MYO5A: variants seen among roughly 807,000 people sequenced by gnomAD.
MYO5A encodes unconventional myosin-Va.
A neutral mutation model predicts 249.7 loss-of-function variants in MYO5A; 98 were observed. The observed-to-expected ratio is 0.39, with a 90% CI of 0.33 to 0.46. The LOEUF is 0.46. Among genes scored for constraint, MYO5A ranks in the 20% least tolerant of loss-of-function variants. The probability of loss-of-function intolerance (pLI) is 0.98; values close to 1 mark genes in which losing one functional copy is unlikely to be tolerated. For synonymous variants in MYO5A, 778 were observed against 810.6 expected, an observed-to-expected ratio of 0.96 and a Z score of 0.68; for missense variants, 1,696 against 2,308.8, an observed-to-expected ratio of 0.73 and a Z score of 5.44.
rs542829496 is a variant in MYO5A, at chr15:52,459,774, G to A, written c.28-26489C>T. 4.6e-5 allele frequency among the ~76,000 whole-genome samples: 7 copies of A among 152,156 alleles called. No individual in the cohort carries two copies. The East Asian group carries it at 9.7e-4, about 21-fold the overall frequency. Reference sequence around the variant, plus strand: ...CAGAGGGGCCCCCCACCTCCCAGACGGGGCGGCGGCCGGGCAGAGGGGCTC... The same window carrying A: ...CAGAGGGGCCCCCCACCTCCCAGACAGGGCGGCGGCCGGGCAGAGGGGCTC... On this transcript the variant is annotated intron_variant, in intron 1 of 41. Transcript: ENST00000399233.
At chr15:52,433,381 G>T in intron 1 of MYO5A, 96 bp from the exon 2 acceptor site, 30 of 460,216 alleles carry the variant, frequency 6.5e-5, no homozygotes, top group Non-Finnish European at 9.4e-5. Flanking sequence ...AACAATTTAT[G>T]AAAAAAGAAA....
chr15:52,456,594 G>C (rs916196155), intron 1 of MYO5A, among the ~76,000 whole-genome samples: 3 of 151,638 alleles, frequency 2.0e-5, no homozygotes, highest in African/African-American at 7.3e-5. Context: ...AACCAAATAA[G>C]CATGCCTGGT....
chr15:52,334,371 T>C (rs777837828), intron 34 of MYO5A, among the ~76,000 whole-genome samples: 15 of 152,218 alleles, frequency 9.9e-5, no homozygotes, highest in Middle Eastern at 3.2e-3. Context: ...CTGATTATCA[T>C]CTCATGATAT....
At chr15:52,319,779 T>C (rs150627424) in intron 38 of MYO5A, among the ~76,000 whole-genome samples, 10 of 152,254 alleles carry the variant, frequency 6.6e-5, no homozygotes, top group Middle Eastern at 3.4e-3. Context: ...AAAAGGAACT[T>C]CACTACAAAA....
intron 1 of MYO5A, chr15:52,505,268 G>C (rs1000976279): frequency 1.3e-6 from 1 of 776,022 alleles, no homozygotes; most frequent in African/African-American, 1.7e-5. Context: ...TACATCAAGG[G>C]GTATGTGCCA....
At chr15:52,425,604 C>G (rs761697723) in intron 4 of MYO5A, among the ~76,000 whole-genome samples, 1 of 152,176 alleles carries the variant, frequency 6.6e-6, no homozygotes, top group Non-Finnish European at 1.5e-5. Flanking sequence ...AGGTAATTCG[C>G]CCACCTTGGC....
chr15:52,369,775 ATAAATGGGTTAATCAC>A (rs1360661935), intron 22 of MYO5A, among the ~76,000 whole-genome samples: 1 of 152,090 alleles, frequency 6.6e-6, no homozygotes, highest in Non-Finnish European at 1.5e-5. Flanking sequence ...AACCTTAGGC[ATAAATGGGTTAATCAC>A]ATTAACCCTA....
intron 9 of MYO5A, among the ~76,000 whole-genome samples, chr15:52,401,115 G>GGCTGGAGT (rs113715084): frequency 0.033 from 4,711 of 141,196 alleles, 231 homozygotes; most frequent in African/African-American, 0.12. Context: ...CTATCCTCCA[G>GGCTGGAGT]GCTGGAGTGC....
intron 10 of MYO5A, 76 bp downstream of exon 10, chr15:52,397,125 A>G (rs1595594167): frequency 6.5e-7 from 1 of 1,542,078 alleles, no homozygotes; most frequent in East Asian, 2.3e-5. Flanking sequence ...AACAGAATCA[A>G]ATGCCCACTT....
At chr15:52,378,195 C>G (rs1255592676) in intron 18 of MYO5A, among the ~76,000 whole-genome samples, 2 of 150,016 alleles carry the variant, frequency 1.3e-5, no homozygotes, top group African/African-American at 4.9e-5. Context: ...TTCCTACTTT[C>G]TGCTCTACAT....
intron 1 of MYO5A, among the ~76,000 whole-genome samples, chr15:52,481,126 C>T (rs982255537): frequency 1.3e-5 from 2 of 152,186 alleles, no homozygotes; most frequent in African/African-American, 4.8e-5. Flanking sequence ...TTATTAGGTG[C>T]AAGCACATTT....
intron 25 of MYO5A, among the ~76,000 whole-genome samples, chr15:52,354,626 C>T (rs532114838): frequency 7.9e-5 from 12 of 152,222 alleles, no homozygotes; most frequent in Middle Eastern, 3.4e-3. Flanking sequence ...GAGGCCAAGG[C>T]GGGTGGATCA....
At chr15:52,408,852 C>T (rs1567098163) in intron 6 of MYO5A, among the ~76,000 whole-genome samples, 1 of 152,094 alleles carries the variant, frequency 6.6e-6, no homozygotes, top group Non-Finnish European at 1.5e-5. Flanking sequence ...GGTTTGATGC[C>T]CACAGGGGGC....
intron 12 of MYO5A, among the ~76,000 whole-genome samples, chr15:52,389,953 T>C (rs973542219): frequency 4.0e-5 from 6 of 151,856 alleles, no homozygotes; most frequent in African/African-American, 1.5e-4. Flanking sequence ...AAATTCCGTC[T>C]CAAAAAAAGA....
intron 22 of MYO5A, among the ~76,000 whole-genome samples, chr15:52,367,909 ACACAC>A (rs749954746): frequency 2.6e-5 from 4 of 151,426 alleles, no homozygotes; most frequent in Non-Finnish European, 4.4e-5. Context: ...ACACACACAC[ACACAC>A]AAGTTGACTC....
chr15:52,382,519 C>G (rs1224092463), intron 16 of MYO5A, among the ~76,000 whole-genome samples: 1 of 152,044 alleles, frequency 6.6e-6, no homozygotes, highest in Non-Finnish European at 1.5e-5. Context: ...TGCGGTAAGC[C>G]GAGATCGCGT....
At chr15:52,383,042 C>T (rs779550056) in intron 16 of MYO5A, 49 bp downstream of exon 16, 35 of 1,483,454 alleles carry the variant, frequency 2.4e-5, no homozygotes, top group Non-Finnish European at 3.2e-5. Flanking sequence ...TGGTTTGGCA[C>T]TTCTTATAAG....
chr15:52,404,772 G>C (rs1032600085), intron 9 of MYO5A, among the ~76,000 whole-genome samples: 27 of 152,104 alleles, frequency 1.8e-4, no homozygotes, highest in African/African-American at 6.0e-4. Flanking sequence ...GAAACAGCCT[G>C]GCATGGAAAT....
At chr15:52,521,032 C>T (rs1016590925) in intron 1 of MYO5A, among the ~76,000 whole-genome samples, 1 of 151,934 alleles carries the variant, frequency 6.6e-6, no homozygotes, top group Non-Finnish European at 1.5e-5. Flanking sequence ...GTTCGAGACC[C>T]GCCTGGCCAG....
Sources: gnomAD v4.1 joint callset for allele counts (sites outside exome capture counted in the v4.1 genomes callset) on GRCh38, gnomAD v4.1.1 for gene constraint, MANE v1.5 for transcripts, NCBI Gene and HGNC (gene_info 2026-07-23, HGNC 2026-07-21) for gene names.